INTS8: variants seen among roughly 807,000 people sequenced by gnomAD.
INTS8 encodes the protein protein kaonashi-1.
Under a neutral mutation model 138.9 loss-of-function variants are expected in INTS8, and 47 were observed. That is an observed-to-expected ratio of 0.34 (90% CI 0.27 to 0.43). INTS8 has a LOEUF of 0.43. INTS8 is among the 20% of genes least tolerant of loss of function. INTS8 has a pLI of 1.00. For synonymous variants in INTS8, 392 were observed against 400.9 expected (o/e 0.98, Z 0.27); for missense variants, 996 against 1,173.0 (o/e 0.85, Z 2.20).
rs1815664389 is a variant in INTS8 at position 94,854,266 on chromosome 8, C to A, written c.1752+351C>A. On this transcript the variant is annotated intron_variant, in intron 14 of 26. Coordinates refer to ENST00000523731, the MANE Select transcript of INTS8 (RefSeq NM_017864.4). ...ACTAATTTTAGCAGGAAGTCAGGAA[C>A]CAGAACTTACCTTTTCCTAATCTTT... 2.0e-5 allele frequency among the ~76,000 whole-genome samples: 3 copies of A among 150,616 alleles called. No individual in the cohort carries two copies. In the South Asian group the frequency reaches 6.3e-4, roughly 32 times the overall value.
chr8:94,876,226 A>G lies in INTS8; in HGVS notation c.2768A>G (p.Asp923Gly). ...AACTGAATTCTGTCTTTCAGTCATG[A>G]TGCTATGGACTCCTACTACGACTAC... ...FKSLQEQNSH[D>G]AMDSYYDYIW... Residue 923 changes from aspartate to glycine, a missense_variant, in exon 25 of 27, where the codon GAT becomes GGT. Asp to Gly is a moderately conservative substitution (Grantham distance 94). Transcript: ENST00000523731. The G allele has an allele frequency of 6.2e-7, 1 of 1,612,108 alleles. No homozygotes were observed. The highest frequency in any genetic ancestry group is 8.5e-7 in the Non-Finnish European group (1 of 1,178,650).
intron 10 of INTS8, among the ~76,000 whole-genome samples, chr8:94,847,064 G>A (rs190907884): frequency 9.9e-5 from 15 of 151,874 alleles, no homozygotes; most frequent in Non-Finnish European, 1.8e-4. Flanking sequence ...TTTTTGAGAC[G>A]AAGTCTTACT....
At chr8:94,850,339 G>A (rs1055362298) in intron 12 of INTS8, among the ~76,000 whole-genome samples, 10 of 152,324 alleles carry the variant, frequency 6.6e-5, no homozygotes, top group Admixed American at 3.3e-4. Context: ...AAGGCTGGGC[G>A]TGGTGGCTCA....
chr8:94,840,461 C>G (rs899738941), intron 8 of INTS8, among the ~76,000 whole-genome samples: 2 of 151,748 alleles, frequency 1.3e-5, no homozygotes, highest in Non-Finnish European at 2.9e-5. Context: ...ATGTAATAAT[C>G]TGGGTATTTT....
At chr8:94,828,262 A>G (rs1459321537) in intron 4 of INTS8, among the ~76,000 whole-genome samples, 2 of 152,098 alleles carry the variant, frequency 1.3e-5, no homozygotes, top group African/African-American at 4.8e-5. Flanking sequence ...GCTGGTGTCG[A>G]ACTCCTGACC....
chr8:94,866,948 A>G (rs1048722795), intron 18 of INTS8, 192 bp from the exon 19 acceptor site: 7 of 526,790 alleles, frequency 1.3e-5, no homozygotes, highest in Admixed American at 3.7e-5. Context: ...ATTATGTGCT[A>G]TGGTCCACGC....
At chr8:94,843,888 G>A (rs1033917616) in intron 10 of INTS8, among the ~76,000 whole-genome samples, 8 of 152,072 alleles carry the variant, frequency 5.3e-5, no homozygotes, top group African/African-American at 1.9e-4. Flanking sequence ...CAGATCGCCT[G>A]TGAGGTGGTT....
chr8:94,826,344 CGA>C (rs1814501590), intron 2 of INTS8, among the ~76,000 whole-genome samples: 1 of 151,774 alleles, frequency 6.6e-6, no homozygotes, highest in South Asian at 2.1e-4. Context: ...TGCAGTGGCG[CGA>C]TATTCGCTCA....
chr8:94,874,574 G>A lies in INTS8; in HGVS notation c.2660G>A (p.Cys887Tyr). The A allele has an allele frequency of 6.3e-7, 1 of 1,585,158 alleles. No homozygotes were observed. The highest frequency in any genetic ancestry group is 2.2e-5 in the East Asian group (1 of 44,598). ...TAGGTAATAAAACGAATGATAAAAT[G>A]TTGTTCTTTGCTGAATTGCCACACA... is the stretch of plus-strand genomic sequence containing the variant. ...TDQVIKRMIKCCSLLNCHTQV... is the reference protein window; with the variant it reads ...TDQVIKRMIKYCSLLNCHTQV... Residue 887 changes from cysteine to tyrosine, a missense_variant, in exon 23 of 27, where the codon TGT (cysteine) becomes TAT (tyrosine). Physicochemically the swap from Cys to Tyr is radical, Grantham distance 194. Transcript: ENST00000523731.
rs769475974 is a variant in INTS8, at chr8:94,851,677, G to T, written c.1632G>T (p.Val544=). ...GMTSERQFWT[V]SNKWEVPSVY... is the part of the protein sequence containing the mutation. ...CTTCAGAGCGCCAGTTCTGGACAGT[G>T]TCTAATAAGGTAAACCCTATGTCAA... The change falls in exon 13 of 27, where the codon GTG becomes GTT. Residue 544 remains valine (V), a synonymous_variant. Coordinates refer to ENST00000523731, the MANE Select transcript of INTS8 (RefSeq NM_017864.4). 1 of 1,587,484 alleles carries T rather than the reference G, an allele frequency of 6.3e-7. No homozygotes were observed. Among genetic ancestry groups the T allele is most frequent in the Non-Finnish European group, 8.5e-7 (1 of 1,172,202 alleles).
At chr8:94,836,766 G>A in intron 7 of INTS8, 135 bp downstream of exon 7, 1 of 545,214 alleles carries the variant, frequency 1.8e-6, no homozygotes, top group Non-Finnish European at 3.2e-6. Flanking sequence ...TACTAAAACT[G>A]GTTTTTAAAA....
intron 7 of INTS8, 36 bp from the exon 8 acceptor site, chr8:94,838,427 A>G (rs765489501): frequency 8.5e-6 from 13 of 1,531,330 alleles, no homozygotes; most frequent in Non-Finnish European, 1.2e-5. Flanking sequence ...TTTATATTAC[A>G]TGAATGGATA....
At chr8:94,825,429 A>G (rs946663172) in intron 2 of INTS8, among the ~76,000 whole-genome samples, 4 of 99,092 alleles carry the variant, frequency 4.0e-5, no homozygotes, top group African/African-American at 8.1e-5. Context: ...AAGACTCGGA[A>G]AAAAAAAAAA....
At chr8:94,840,415 C>G (rs778846201) in intron 8 of INTS8, among the ~76,000 whole-genome samples, 4 of 152,096 alleles carry the variant, frequency 2.6e-5, no homozygotes, top group Non-Finnish European at 5.9e-5. Context: ...CTTTCCTGCT[C>G]TTCCATTCTT....
intron 26 of INTS8, 34 bp from the exon 27 acceptor site, chr8:94,880,084 C>G: frequency 7.0e-7 from 1 of 1,437,814 alleles, no homozygotes; most frequent in Non-Finnish European, 9.6e-7. Context: ...ATTTTTGACA[C>G]ACCTCTAATA....
At chr8:94,880,092 A>G in intron 26 of INTS8, 26 bp from the exon 27 acceptor site, 2 of 1,524,292 alleles carry the variant, frequency 1.3e-6, no homozygotes, top group Non-Finnish European at 1.8e-6. Flanking sequence ...CACACCTCTA[A>G]TAACATCACT....
At position 94,826,439 on chromosome 8, in the gene INTS8, A is replaced by T. The variant is rs573924970; in HGVS notation, c.306-824A>T. Reference sequence around the variant, plus strand: ...TGGGACTGCAGGCGCCCGCCACCATAAAGTGTATTTTTAATCTGAGCAGGG... The same window carrying T: ...TGGGACTGCAGGCGCCCGCCACCATTAAGTGTATTTTTAATCTGAGCAGGG... On this transcript the variant is annotated intron_variant, in intron 2 of 26. Transcript: ENST00000523731. 4.6e-5 allele frequency among the ~76,000 whole-genome samples: 7 copies of T among 152,134 alleles called. No individual in the cohort carries two copies. In the South Asian group the frequency reaches 1.5e-3, roughly 32 times the overall value.
In INTS8 at chr8:94,880,563, A is replaced by G; in HGVS notation, c.*329A>G. The G allele has an allele frequency of 3.1e-6, 1 of 318,076 alleles. No homozygotes were observed. The highest frequency in any genetic ancestry group is 5.6e-6 in the Non-Finnish European group (1 of 178,218). The allele number at this position is 318,076 out of a possible 1,614,324, so 19.7% of individuals were successfully genotyped here. On this transcript the variant is annotated 3_prime_UTR_variant, in exon 27 of 27. Coordinates refer to ENST00000523731, the MANE Select transcript of INTS8 (RefSeq NM_017864.4). The stretch of plus-strand genomic sequence containing the variant: ...ATTTAGAAATAGCTAGCCTATGTAC[A>G]GCAAGTTTTCATGTCTTTTTTTAAT...
Position 94,880,173 on chromosome 8 carries a change from AG to A in INTS8, c.2928del (p.Gln976HisfsTer53). 1 of 1,612,768 alleles carries A rather than the reference AG, an allele frequency of 6.2e-7. No homozygotes were observed. Among genetic ancestry groups the A allele is most frequent in the Non-Finnish European group, 8.5e-7 (1 of 1,179,624 alleles). ...GCAAGCAATCCAGAAGAAGTGTTAC[AG>A]CTGGCAGCGCAGAGAAGGAAAAAAA... ...LNASNPEEVLQLAAQRRKKKF... is the reference protein window; with the variant it reads ...LNASNPEEVLXLAAQRRKKKF... On this transcript the variant is annotated frameshift_variant, in exon 27 of 27. Transcript: ENST00000523731. LOFTEE classifies it high-confidence loss of function.
Sources: gnomAD v4.1 joint callset for allele counts (sites outside exome capture counted in the v4.1 genomes callset) on GRCh38, gnomAD v4.1.1 for gene constraint, MANE v1.5 for transcripts, NCBI Gene and HGNC (gene_info 2026-07-23, HGNC 2026-07-21) for gene names.